Variants in OVOL2 observed in about 807,000 individuals in gnomAD.
The protein encoded by OVOL2 is ovo like zinc finger 2.
Under a neutral mutation model 18.1 loss-of-function variants are expected in OVOL2, and 13 were observed. The observed-to-expected ratio is 0.72, with a 90% CI of 0.47 to 1.14. OVOL2 has a LOEUF of 1.14. OVOL2 is among the 50% of genes most tolerant of loss of function. OVOL2 has a pLI of 0.00. For missense variants in OVOL2, 335 were observed against 383.0 expected, an observed-to-expected ratio of 0.87 and a Z score of 1.05; for synonymous variants, 166 against 162.7, an observed-to-expected ratio of 1.02 and a Z score of -0.16.
chr20:18,051,562 C>T (rs1307544277), intron 2 of OVOL2, among the ~76,000 whole-genome samples: 2 of 152,054 alleles, frequency 1.3e-5, no homozygotes, highest in Non-Finnish European at 2.9e-5. Flanking sequence ...AGATGCCCCA[C>T]AGTGTGACAT....
chr20:18,047,403 G>A lies in OVOL2; in HGVS notation c.322-5680C>T, dbSNP rs1008620325. Reference sequence around the variant, plus strand: ...TGGCTACTCATAATCCCAGCTACTCGGGAGGCTGAAACAAGAGAATCGTTT... The same window carrying A: ...TGGCTACTCATAATCCCAGCTACTCAGGAGGCTGAAACAAGAGAATCGTTT... On this transcript the variant is annotated intron_variant, in intron 2 of 3. Transcript: ENST00000278780. Among the ~76,000 whole-genome samples, 3 of 142,262 alleles carry A rather than the reference G, an allele frequency of 2.1e-5. 1 individual carries two copies. Among genetic ancestry groups the A allele is most frequent in the Admixed American group, 6.8e-5 (1 of 14,688 alleles). The allele number at this position is 142,262 out of a possible 152,430, so 93.3% of individuals were successfully genotyped here. A position where few individuals can be genotyped will look rare whatever the true frequency, so the allele number is the denominator to read the frequency against.
At chr20:18,043,592 G>A (rs1429950829) in intron 2 of OVOL2, among the ~76,000 whole-genome samples, 3 of 152,166 alleles carry the variant, frequency 2.0e-5, no homozygotes, top group South Asian at 2.1e-4. Flanking sequence ...ACACTACCCA[G>A]AGTAGAACTG....
intron 3 of OVOL2, among the ~76,000 whole-genome samples, chr20:18,032,242 A>G (rs78143378): frequency 0.017 from 2,594 of 151,520 alleles, 89 homozygotes; most frequent in African/African-American, 0.06. Context: ...GCGAGGAAGA[A>G]GGGAAGGAAA....
Position 18,024,578 on chromosome 20 carries a change from CAA to C in OVOL2, c.*56_*57del. On this transcript the variant is annotated 3_prime_UTR_variant, in exon 4 of 4. Coordinates refer to ENST00000278780, the MANE Select transcript of OVOL2 (RefSeq NM_021220.4). Reference sequence around the variant, plus strand: ...CAGTGGGGTGGGGGAAGCTGAAAACCAAAAATCCACGTAGACATACGTGGCAG... The same window carrying C: ...CAGTGGGGTGGGGGAAGCTGAAAACCAAATCCACGTAGACATACGTGGCAG... 6 of 1,484,462 alleles carry C rather than the reference CAA, an allele frequency of 4.0e-6. No individual in the cohort carries two copies. The highest frequency in any genetic ancestry group is 5.4e-6 in the Non-Finnish European group (6 of 1,113,462). The allele number at this position is 1,484,462 out of a possible 1,614,324, so 92.0% of individuals were successfully genotyped here.
chr20:18,055,179 C>G (rs1238405344), intron 2 of OVOL2, among the ~76,000 whole-genome samples: 1 of 152,124 alleles, frequency 6.6e-6, no homozygotes, highest in African/African-American at 2.4e-5. Context: ...CCCTGTGTGC[C>G]TGAGGCAGAA....
chr20:18,044,566 C>A (rs1336924181), intron 2 of OVOL2, among the ~76,000 whole-genome samples: 1 of 152,148 alleles, frequency 6.6e-6, no homozygotes, highest in East Asian at 1.9e-4. Context: ...CCCCAGCTAA[C>A]ATTGATAAGT....
In OVOL2 at chr20:18,030,739, G is replaced by A. The variant is rs186852497; in HGVS notation, c.512-5787C>T. ...AGTGACTCGCAGACAGAGATGGAAA[G>A]GAGACATAGGCCCAGAAAGCTCCAG... On this transcript the variant is annotated intron_variant, in intron 3 of 3. Coordinates refer to ENST00000278780, the MANE Select transcript of OVOL2 (RefSeq NM_021220.4). Among the ~76,000 whole-genome samples the A allele has an allele frequency of 9.8e-5, 15 of 152,358 alleles. No individual in the cohort carries two copies. The East Asian group carries it at 2.9e-3, about 29-fold the overall frequency.
rs2036828380 is a variant in OVOL2 at position 18,056,620 on chromosome 20, G to A, written c.321+37C>T. 2.2e-6 allele frequency: 3 copies of A among 1,353,112 alleles called. No homozygotes were observed. Among genetic ancestry groups the A allele is most frequent in the African/African-American group, 1.5e-5 (1 of 65,150 alleles). The allele number at this position is 1,353,112 out of a possible 1,614,324, so 83.8% of individuals were successfully genotyped here. On this transcript the variant is annotated intron_variant, in intron 2 of 3. Coordinates refer to ENST00000278780, the MANE Select transcript of OVOL2 (RefSeq NM_021220.4). The surrounding 1 kb of genome is among the most constrained non-coding windows in gnomAD (Gnocchi z 4.2). ...CCTCGGGAGCCCGACGCCAGGGCGT[G>A]GTGCAGGTGGCGGCGGGGGCAGAGT...
chr20:18,056,783 A>G lies in OVOL2; in HGVS notation c.195T>C (p.Pro65=). 6.7e-7 allele frequency: 1 copy of G among 1,503,264 alleles called. No homozygotes were observed. The highest frequency in any genetic ancestry group is 2.2e-5 in the Admixed American group (1 of 46,460). The allele number at this position is 1,503,264 out of a possible 1,614,324, so 93.1% of individuals were successfully genotyped here. ...SGSGSSSAGE[P]GGAESSSSPH... ...GGGACGAGCTGCTCTCTGCTCCTCC[A>G]GGCTCCCCCGCGCTGCTGCTGCCGC... The change falls in exon 2 of 4, where the codon CCT becomes CCC. Residue 65 remains proline (P), a synonymous_variant. Coordinates refer to ENST00000278780, the MANE Select transcript of OVOL2 (RefSeq NM_021220.4). The surrounding 1 kb of genome is among the most constrained non-coding windows in gnomAD (Gnocchi z 4.2).
intron 3 of OVOL2, among the ~76,000 whole-genome samples, chr20:18,030,168 G>A (rs1243041540): frequency 3.3e-5 from 5 of 152,172 alleles, no homozygotes; most frequent in East Asian, 3.8e-4. Context: ...GAATGCGCCC[G>A]CTCTAGCTTT....
chr20:18,032,311 GAGAGAGAGAAAGAA>G, intron 3 of OVOL2, among the ~76,000 whole-genome samples: 17 of 144,548 alleles, frequency 1.2e-4, no homozygotes, highest in African/African-American at 4.2e-4. Context: ...AGGAAGGAGA[GAGAGAGAGAAAGAA>G]AGAGAGAAAG....
At chr20:18,044,672 G>A (rs1011742027) in intron 2 of OVOL2, among the ~76,000 whole-genome samples, 1 of 152,162 alleles carries the variant, frequency 6.6e-6, no homozygotes, top group Admixed American at 6.5e-5. Flanking sequence ...AGTCTAGTGG[G>A]GGTGCAGGCA....
Position 18,024,451 on chromosome 20 carries a change from G to T in OVOL2, c.*185C>A. 2 of 1,300,762 alleles carry T rather than the reference G, an allele frequency of 1.5e-6. No individual in the cohort carries two copies. The highest frequency in any genetic ancestry group is 2.0e-6 in the Non-Finnish European group (2 of 983,570). 80.6% of individuals were successfully genotyped at this position (1,300,762 alleles called of 1,614,324 possible). A position where few individuals can be genotyped will look rare whatever the true frequency, so the allele number is the denominator to read the frequency against. ...CGCCAGACAGGACACAGGTTACAGG[G>T]CCTGACGTCACTAACGGCAACTGAC... On this transcript the variant is annotated 3_prime_UTR_variant, in exon 4 of 4. Coordinates refer to ENST00000278780, the MANE Select transcript of OVOL2 (RefSeq NM_021220.4).
chr20:18,057,810 C>A lies in OVOL2; in HGVS notation c.-176G>T. 1 of 1,366,586 alleles carries A rather than the reference C, an allele frequency of 7.3e-7. No homozygotes were observed. Among genetic ancestry groups the A allele is most frequent in the South Asian group, 1.7e-5 (1 of 57,652 alleles). The allele number at this position is 1,366,586 out of a possible 1,614,324, so 84.7% of individuals were successfully genotyped here. On this transcript the variant is annotated 5_prime_UTR_variant, in exon 1 of 4. Coordinates refer to ENST00000278780, the MANE Select transcript of OVOL2 (RefSeq NM_021220.4). This position sits in a 1 kb window ranked among gnomAD's most constrained non-coding sequence, Gnocchi z 6.3. Reference sequence around the variant, plus strand: ...CCAGGCCTCTCCCCCGCACGCCTGGCGACTCCCAGCCTCCCGGCTCGGCGA... The same window carrying A: ...CCAGGCCTCTCCCCCGCACGCCTGGAGACTCCCAGCCTCCCGGCTCGGCGA...
chr20:18,042,055 G>A (rs1340434207), intron 2 of OVOL2, among the ~76,000 whole-genome samples: 3 of 151,686 alleles, frequency 2.0e-5, no homozygotes, highest in Non-Finnish European at 4.4e-5. Flanking sequence ...GGACTACAGG[G>A]GCACATACAA....
At position 18,057,731 on chromosome 20, in the gene OVOL2, G is replaced by A. The variant is rs1244618801; in HGVS notation, c.-97C>T. 11 of 1,453,134 alleles carry A rather than the reference G, an allele frequency of 7.6e-6. No individual in the cohort carries two copies. The highest frequency in any genetic ancestry group is 1.5e-5 in the African/African-American group (1 of 67,640). 90.0% of individuals were successfully genotyped at this position (1,453,134 alleles called of 1,614,324 possible). A position where few individuals can be genotyped will look rare whatever the true frequency, so the allele number is the denominator to read the frequency against. ...CCGTCCCCGGCTCCCGGCGGCCAGA[G>A]CCCACCTTCCCGCCTCGCCTGCCCT... On this transcript the variant is annotated 5_prime_UTR_variant, in exon 1 of 4. Coordinates refer to ENST00000278780, the MANE Select transcript of OVOL2 (RefSeq NM_021220.4). The surrounding 1 kb of genome is among the most constrained non-coding windows in gnomAD (Gnocchi z 6.3).
rs1453771233 is a variant in OVOL2, at chr20:18,053,966, G to A, written c.321+2691C>T. On this transcript the variant is annotated intron_variant, in intron 2 of 3. Coordinates refer to ENST00000278780, the MANE Select transcript of OVOL2 (RefSeq NM_021220.4). The stretch of plus-strand genomic sequence containing the variant: ...GCCCACACTGCCCTCAGGCCCACCC[G>A]CCTCCCTTCTCCCCAGCCTTCAAAT... Among the ~76,000 whole-genome samples, 6 of 152,098 alleles carry A rather than the reference G, an allele frequency of 3.9e-5. No homozygotes were observed. In the South Asian group the frequency reaches 6.2e-4, roughly 16 times the overall value.
intron 2 of OVOL2, among the ~76,000 whole-genome samples, chr20:18,043,269 A>G (rs1425474317): frequency 6.6e-6 from 1 of 152,200 alleles, no homozygotes; most frequent in Non-Finnish European, 1.5e-5. Context: ...TGCTCCATTT[A>G]TCAAGAGATG....
At chr20:18,054,372 G>A (rs1049764380) in intron 2 of OVOL2, among the ~76,000 whole-genome samples, 1 of 152,188 alleles carries the variant, frequency 6.6e-6, no homozygotes, top group Non-Finnish European at 1.5e-5. Context: ...GTGTTAGACG[G>A]GCAGAGTGTT....
Sources: gnomAD v4.1 joint callset for allele counts (sites outside exome capture counted in the v4.1 genomes callset) on GRCh38, gnomAD v4.1.1 for gene constraint, Gnocchi (gnomAD v3.1) non-coding constraint, MANE v1.5 for transcripts, NCBI Gene and HGNC (gene_info 2026-07-23, HGNC 2026-07-21) for gene names.